CAMSAP1: variants seen among roughly 807,000 people sequenced by gnomAD.
CAMSAP1 encodes the protein calmodulin regulated spectrin associated protein 1.
Under a neutral mutation model 143.5 loss-of-function variants are expected in CAMSAP1, and 58 were observed. That is an observed-to-expected ratio of 0.40 (90% CI 0.33 to 0.50). The LOEUF is 0.50. Ranked by LOEUF, CAMSAP1 falls within the 20% of genes least tolerant of loss-of-function variation. The pLI, the probability that CAMSAP1 is intolerant of heterozygous loss-of-function variation, is 0.45. For missense variants in CAMSAP1, 1,969 were observed against 2,115.7 expected (o/e 0.93, Z 1.36); for synonymous variants, 945 against 859.3 (o/e 1.10, Z -1.74).
chr9:135,878,538 T>C (rs1837827688), intron 3 of CAMSAP1, among the ~76,000 whole-genome samples: 1 of 152,206 alleles, frequency 6.6e-6, no homozygotes, highest in African/African-American at 2.4e-5. Flanking sequence ...AAACTCACCC[T>C]TATGGAAATC....
intron 1 of CAMSAP1, among the ~76,000 whole-genome samples, chr9:135,895,887 T>C (rs986752879): frequency 6.6e-6 from 1 of 151,912 alleles, no homozygotes. Context: ...TATACAGAGA[T>C]ACACCCAAAA....
At chr9:135,904,896 T>C (rs62585192) in intron 1 of CAMSAP1, among the ~76,000 whole-genome samples, 27,650 of 149,576 alleles carry the variant, frequency 0.18, 2,984 homozygotes, top group African/African-American at 0.28. Flanking sequence ...ACCCAGGAGG[T>C]GGCGGTTGCG....
rs948677098 is a variant in CAMSAP1, at chr9:135,826,389, A to G, written c.1223+1018T>C. ...TCTGAGCTCTGGGGACAGACACCCC[A>G]GTCTCAAAGCCGCCCAACACAGAAC... On this transcript the variant is annotated intron_variant, in intron 8 of 16. Transcript: ENST00000389532. This position sits in a 1 kb window ranked among gnomAD's most constrained non-coding sequence, Gnocchi z 4.4. The G allele has an allele frequency of 6.6e-6, 1 of 152,366 alleles. No individual in the cohort carries two copies. The highest frequency in any genetic ancestry group is 2.4e-5 in the African/African-American group (1 of 41,506). The allele number at this position is 152,366 out of a possible 1,614,324, so 9.4% of individuals were successfully genotyped here.
In CAMSAP1 at chr9:135,818,039, G is replaced by A; in HGVS notation, c.4209C>T (p.Ser1403=). ...GTTCTGTCGTCGCCGCAGAGGCCAA[G>A]GACAGGCTGGAGCCTGACTGAGTCC... ...LSRTQSGSSL[S]LASAATTEPE... Residue 1403 remains serine (S), a synonymous_variant, in exon 14 of 17, where the codon TCC becomes TCT. Coordinates refer to ENST00000389532, the MANE Select transcript of CAMSAP1 (RefSeq NM_015447.4). The surrounding 1 kb of genome is among the most constrained non-coding windows in gnomAD (Gnocchi z 7.7). 3 of 1,613,906 alleles carry A rather than the reference G, an allele frequency of 1.9e-6. No homozygotes were observed. The highest frequency in any genetic ancestry group is 2.5e-6 in the Non-Finnish European group (3 of 1,179,886).
chr9:135,810,274 C>T lies in CAMSAP1; in HGVS notation c.*1035G>A, dbSNP rs1834999435. 1 of 152,232 alleles carries T rather than the reference C, an allele frequency of 6.6e-6. No homozygotes were observed. Among genetic ancestry groups the T allele is most frequent in the Non-Finnish European group, 1.5e-5 (1 of 68,046 alleles). 9.4% of individuals were successfully genotyped at this position (152,232 alleles called of 1,614,324 possible). ...GCAACAAAACAAAAGTATCCATCTA[C>T]AGGGGAAACGGCACGCTCCTCTGAG... On this transcript the variant is annotated 3_prime_UTR_variant, in exon 17 of 17. Transcript: ENST00000389532.
chr9:135,888,719 AG>A (rs1838202839), intron 1 of CAMSAP1, among the ~76,000 whole-genome samples: 1 of 152,220 alleles, frequency 6.6e-6, no homozygotes, highest in African/African-American at 2.4e-5. Flanking sequence ...TTTGGATATA[AG>A]GAGTCAACGG....
chr9:135,856,503 T>C (rs1388083283), intron 5 of CAMSAP1, among the ~76,000 whole-genome samples: 1 of 152,170 alleles, frequency 6.6e-6, no homozygotes, highest in Admixed American at 6.5e-5. Flanking sequence ...TCACTGCCCA[T>C]TCCACTCCTT....
At chr9:135,879,927 A>G (rs1837883547) in intron 3 of CAMSAP1, among the ~76,000 whole-genome samples, 1 of 151,900 alleles carries the variant, frequency 6.6e-6, no homozygotes. Context: ...CTTACGACAG[A>G]AAGCACAGTA....
chr9:135,817,839 G>T, intron 14 of CAMSAP1, 138 bp downstream of exon 14: 1 of 711,966 alleles, frequency 1.4e-6, no homozygotes, highest in East Asian at 2.7e-5. Context: ...TGACATGATT[G>T]CAACTATTCT....
intron 7 of CAMSAP1, among the ~76,000 whole-genome samples, chr9:135,830,331 G>A: frequency 6.6e-6 from 1 of 152,180 alleles, no homozygotes; most frequent in East Asian, 1.9e-4. Flanking sequence ...CCACTTTTGA[G>A]TGAAGAACAC....
At chr9:135,878,290 G>A (rs188026555) in intron 3 of CAMSAP1, among the ~76,000 whole-genome samples, 3 of 152,178 alleles carry the variant, frequency 2.0e-5, no homozygotes, top group Non-Finnish European at 4.4e-5. Context: ...GGCAGGGGCA[G>A]GACAGAGTCC....
At chr9:135,898,121 A>G (rs545779197) in intron 1 of CAMSAP1, among the ~76,000 whole-genome samples, 1 of 152,282 alleles carries the variant, frequency 6.6e-6, no homozygotes, top group African/African-American at 2.4e-5. Flanking sequence ...GAAAAAGAAG[A>G]CCAAAATAAA....
chr9:135,872,974 ACAC>A (rs943512748), intron 3 of CAMSAP1, among the ~76,000 whole-genome samples: 3 of 152,202 alleles, frequency 2.0e-5, no homozygotes, highest in African/African-American at 7.2e-5. Flanking sequence ...GGAGACACAA[ACAC>A]CACCAACAAC....
chr9:135,851,008 A>G (rs1459165281), intron 5 of CAMSAP1, among the ~76,000 whole-genome samples: 1 of 152,260 alleles, frequency 6.6e-6, no homozygotes, highest in African/African-American at 2.4e-5. Flanking sequence ...TGGTGGCTAT[A>G]GCATCTGCAG....
chr9:135,895,966 G>A lies in CAMSAP1; in HGVS notation c.160+11034C>T, dbSNP rs566659128. Among the ~76,000 whole-genome samples the A allele has an allele frequency of 2.0e-4, 31 of 152,100 alleles. No individual in the cohort carries two copies. The East Asian group carries it at 5.4e-3, about 27-fold the overall frequency. On this transcript the variant is annotated intron_variant, in intron 1 of 16. Coordinates refer to ENST00000389532, the MANE Select transcript of CAMSAP1 (RefSeq NM_015447.4). ...TAACCAATAAGAAGTCAAGAGAAGA[G>A]AAACAGGAACAAGAAACAGAGGAAA...
In CAMSAP1 at chr9:135,808,524, T is replaced by G. The variant is rs1209095608; in HGVS notation, c.*2785A>C. On this transcript the variant is annotated 3_prime_UTR_variant, in exon 17 of 17. Coordinates refer to ENST00000389532, the MANE Select transcript of CAMSAP1 (RefSeq NM_015447.4). ...AGAAAATTTTATTTCAATAAATATT[T>G]TGCCCTCCAAGTGACAACTACAATT... 6.6e-6 allele frequency: 1 copy of G among 152,286 alleles called. No individual in the cohort carries two copies. The highest frequency in any genetic ancestry group is 1.5e-5 in the Non-Finnish European group (1 of 68,054). The allele number at this position is 152,286 out of a possible 1,614,324, so 9.4% of individuals were successfully genotyped here.
chr9:135,881,931 A>T (rs182922945), intron 2 of CAMSAP1, 137 bp from the exon 3 acceptor site: 6 of 1,048,808 alleles, frequency 5.7e-6, no homozygotes, highest in Middle Eastern at 2.1e-4. Flanking sequence ...AGATACTCAG[A>T]TTTGAGACCT....
intron 1 of CAMSAP1, among the ~76,000 whole-genome samples, chr9:135,894,243 T>C (rs186333384): frequency 1.9e-4 from 29 of 152,046 alleles, no homozygotes; most frequent in Admixed American, 8.5e-4. Context: ...AGACACACCC[T>C]GCACCAAGGG....
At chr9:135,867,469 A>G (rs1564448806) in intron 3 of CAMSAP1, among the ~76,000 whole-genome samples, 1 of 123,604 alleles carries the variant, frequency 8.1e-6, no homozygotes, top group Non-Finnish European at 1.9e-5. Context: ...ACACAGCAAG[A>G]CCCCCCTCTT....
Sources: allele counts gnomAD v4.1 joint callset (sites outside exome capture counted in the v4.1 genomes callset), GRCh38; gene constraint gnomAD v4.1.1; non-coding constraint Gnocchi (gnomAD v3.1); transcripts MANE v1.5; gene names NCBI Gene and HGNC (gene_info 2026-07-23, HGNC 2026-07-21).